Variants in CAMTA1 observed in about 807,000 individuals in gnomAD.
The protein encoded by CAMTA1 is calmodulin binding transcription activator 1.
Under a neutral mutation model 170.9 loss-of-function variants are expected in CAMTA1, and 27 were observed. That is an observed-to-expected ratio of 0.16 (90% CI 0.12 to 0.22). The LOEUF (loss-of-function observed/expected upper bound fraction) is 0.22, where lower values mean the gene tolerates loss of function less well. Ranked by LOEUF, CAMTA1 falls within the 10% of genes least tolerant of loss-of-function variation. The pLI is 1.00. For synonymous variants in CAMTA1, 833 were observed against 891.5 expected (o/e 0.93, Z 1.17); for missense variants, 1,619 against 2,217.2 (o/e 0.73, Z 5.42).
rs1576757334 is a variant in CAMTA1 at position 7,673,729 on chromosome 1, A to G, written c.2779+2692A>G. Among the ~76,000 whole-genome samples the G allele has an allele frequency of 6.6e-6, 1 of 152,248 alleles. No homozygotes were observed. Among genetic ancestry groups the G allele is most frequent in the South Asian group, 2.1e-4 (1 of 4,826 alleles). On this transcript the variant is annotated intron_variant, in intron 10 of 22. Coordinates refer to ENST00000303635, the MANE Select transcript of CAMTA1 (RefSeq NM_015215.4). This position sits in a 1 kb window ranked among gnomAD's most constrained non-coding sequence, Gnocchi z 4.6. Reference sequence around the variant, plus strand: ...ACTCCACAAAGGGGGCCTCCTTTGGACATCTCTGCTTTGAGGCCCAAATTG... The same window carrying G: ...ACTCCACAAAGGGGGCCTCCTTTGGGCATCTCTGCTTTGAGGCCCAAATTG...
chr1:7,081,746 C>T (rs1307225541), intron 3 of CAMTA1, among the ~76,000 whole-genome samples: 1 of 152,230 alleles, frequency 6.6e-6, no homozygotes, highest in African/African-American at 2.4e-5. Context: ...TTCTCAGCGC[C>T]AAGCAGTGGT....
intron 6 of CAMTA1, among the ~76,000 whole-genome samples, chr1:7,514,506 G>C (rs2094251979): frequency 6.6e-6 from 1 of 152,250 alleles, no homozygotes; most frequent in Admixed American, 6.5e-5. Context: ...CAGGGGCTGG[G>C]AAGGGGCTGG....
intron 3 of CAMTA1, among the ~76,000 whole-genome samples, chr1:6,890,324 G>A (rs1011312392): frequency 4.6e-5 from 7 of 152,212 alleles, no homozygotes. Flanking sequence ...GATTACCAAT[G>A]TTGAGATTTC....
chr1:7,363,407 C>A (rs1456943262), intron 5 of CAMTA1, among the ~76,000 whole-genome samples: 1 of 151,992 alleles, frequency 6.6e-6, no homozygotes, highest in Non-Finnish European at 1.5e-5. Flanking sequence ...ACACTCGTGT[C>A]TCGGAGGTTG....
chr1:7,220,772 G>C (rs1001955929), intron 4 of CAMTA1, among the ~76,000 whole-genome samples: 6 of 152,240 alleles, frequency 3.9e-5, no homozygotes, highest in African/African-American at 1.2e-4. Flanking sequence ...GGGCACCCAG[G>C]TGGCACCTGC....
At chr1:7,489,977 G>A (rs887820882) in intron 6 of CAMTA1, among the ~76,000 whole-genome samples, 2 of 152,204 alleles carry the variant, frequency 1.3e-5, no homozygotes, top group African/African-American at 4.8e-5. Flanking sequence ...TTGGATCCCC[G>A]AGGAAATGTT....
chr1:6,909,953 C>T (rs917789400), intron 3 of CAMTA1, among the ~76,000 whole-genome samples: 8 of 152,224 alleles, frequency 5.3e-5, no homozygotes, highest in Admixed American at 2.0e-4. Flanking sequence ...CCAAGGGTGG[C>T]CCAGCCTGTA....
At chr1:6,808,632 T>G (rs1644808156) in intron 1 of CAMTA1, among the ~76,000 whole-genome samples, 1 of 152,224 alleles carries the variant, frequency 6.6e-6, no homozygotes, top group Non-Finnish European at 1.5e-5. Context: ...TAGTTTGCAT[T>G]GGAGTTGCTT....
At chr1:7,361,020 A>G (rs1393445587) in intron 5 of CAMTA1, among the ~76,000 whole-genome samples, 1 of 152,112 alleles carries the variant, frequency 6.6e-6, no homozygotes. Flanking sequence ...TGTGGGTGTT[A>G]GAGTGTTGTT....
chr1:6,922,031 A>G (rs1452778363), intron 3 of CAMTA1, among the ~76,000 whole-genome samples: 1 of 152,242 alleles, frequency 6.6e-6, no homozygotes, highest in Admixed American at 6.5e-5. Context: ...GAAATAAAGG[A>G]AAGAATATTT....
At chr1:7,240,906 G>A (rs925962015) in intron 4 of CAMTA1, among the ~76,000 whole-genome samples, 3 of 152,182 alleles carry the variant, frequency 2.0e-5, no homozygotes, top group Non-Finnish European at 4.4e-5. Flanking sequence ...ACAGGGCAAA[G>A]TGTTGATTCT....
At chr1:7,744,785 C>CT in intron 16 of CAMTA1, 50 bp from the exon 17 acceptor site, 1 of 1,542,576 alleles carries the variant, frequency 6.5e-7, no homozygotes, top group Non-Finnish European at 8.8e-7. Context: ...ACCTGGATAA[C>CT]TTGTAAGGTT....
rs918624241 is a variant in CAMTA1, at chr1:7,547,146, A to T, written c.510+79245A>T. 6.6e-6 allele frequency among the ~76,000 whole-genome samples: 1 copy of T among 152,170 alleles called. No homozygotes were observed. The highest frequency in any genetic ancestry group is 1.9e-4 in the East Asian group (1 of 5,194). ...TTCTGGGTCATTTGATATAAGCCCA[A>T]TCATTCTTTGAGCACTTCCTTGCTT... On this transcript the variant is annotated intron_variant, in intron 6 of 22. Transcript: ENST00000303635. This position sits in a 1 kb window ranked among gnomAD's most constrained non-coding sequence, Gnocchi z 5.7.
chr1:7,398,226 T>TTAAGCAA (rs2089585512), intron 5 of CAMTA1, among the ~76,000 whole-genome samples: 1 of 125,324 alleles, frequency 8.0e-6, no homozygotes, highest in Non-Finnish European at 1.7e-5. Flanking sequence ...TATATATATA[T>TTAAGCAA]ATATATATAT....
chr1:6,971,013 C>T lies in CAMTA1; in HGVS notation c.235-120291C>T, dbSNP rs1005472183. On this transcript the variant is annotated intron_variant, in intron 3 of 22. Transcript: ENST00000303635. The surrounding 1 kb of genome is among the most constrained non-coding windows in gnomAD (Gnocchi z 4.6). ...CCTTTGGAGGGAAGACCCTCTGGTTCGGGCCTTCCTTCCTTCTCAGGGCTT... is the reference window on the plus strand; with the variant it reads ...CCTTTGGAGGGAAGACCCTCTGGTTTGGGCCTTCCTTCCTTCTCAGGGCTT... Among the ~76,000 whole-genome samples the T allele has an allele frequency of 6.6e-6, 1 of 152,190 alleles. No individual in the cohort carries two copies. Among genetic ancestry groups the T allele is most frequent in the East Asian group, 1.9e-4 (1 of 5,190 alleles).
At chr1:7,210,869 G>A (rs1658621415) in intron 4 of CAMTA1, among the ~76,000 whole-genome samples, 1 of 152,156 alleles carries the variant, frequency 6.6e-6, no homozygotes, top group African/African-American at 2.4e-5. Context: ...TTGTCCAGTG[G>A]TTTATAACCT....
At chr1:7,040,220 C>G (rs1350764175) in intron 3 of CAMTA1, among the ~76,000 whole-genome samples, 2 of 151,550 alleles carry the variant, frequency 1.3e-5, no homozygotes, top group African/African-American at 4.9e-5. Flanking sequence ...CAAAAGCTGC[C>G]AGCATATTTC....
Position 7,571,390 on chromosome 1 carries a change from A to G in CAMTA1, c.511-69010A>G, listed in dbSNP as rs79107748. Among the ~76,000 whole-genome samples, 624 of 152,242 alleles carry G rather than the reference A, an allele frequency of 4.1e-3. 6 individuals carry two copies. Among genetic ancestry groups the G allele is most frequent in the African/African-American group, 0.014 (572 of 41,544 alleles). ...CTGTGCAGGTTTGTTATGTTGGTAA[A>G]CTTGTGTCACAGGGGTTTGGCCTAC... On this transcript the variant is annotated intron_variant, in intron 6 of 22. Coordinates refer to ENST00000303635, the MANE Select transcript of CAMTA1 (RefSeq NM_015215.4).
intron 6 of CAMTA1, among the ~76,000 whole-genome samples, chr1:7,542,764 AGT>A (rs746909939): frequency 4.6e-5 from 7 of 151,912 alleles, no homozygotes; most frequent in Non-Finnish European, 1.0e-4. Flanking sequence ...CCTGGCCTCA[AGT>A]GAATCTGCCC....
Sources: gnomAD v4.1 joint callset for allele counts (sites outside exome capture counted in the v4.1 genomes callset) on GRCh38, gnomAD v4.1.1 for gene constraint, Gnocchi (gnomAD v3.1) non-coding constraint, MANE v1.5 for transcripts, NCBI Gene and HGNC (gene_info 2026-07-23, HGNC 2026-07-21) for gene names.